SGCZ: variants seen among roughly 807,000 people sequenced by gnomAD.
SGCZ encodes sarcoglycan zeta.
A neutral mutation model predicts 41.3 loss-of-function variants in SGCZ; 40 were observed. That is an observed-to-expected ratio of 0.97 (90% CI 0.75 to 1.26). The LOEUF (loss-of-function observed/expected upper bound fraction) is 1.26, where lower values mean the gene tolerates loss of function less well. Ranked by LOEUF, SGCZ falls within the 50% of genes most tolerant of loss-of-function variation. SGCZ has a pLI of 0.00. For synonymous variants in SGCZ, 206 were observed against 137.5 expected (o/e 1.50, Z -3.49); for missense variants, 552 against 369.8 (o/e 1.49, Z -4.04).
intron 1 of SGCZ, among the ~76,000 whole-genome samples, chr8:14,859,347 C>T (rs1022037049): frequency 1.3e-5 from 2 of 151,916 alleles, no homozygotes; most frequent in African/African-American, 4.8e-5. Flanking sequence ...CATTAAGGTA[C>T]TAGCAATTTA....
intron 1 of SGCZ, among the ~76,000 whole-genome samples, chr8:15,211,472 A>C (rs1257267431): frequency 6.6e-6 from 1 of 152,078 alleles, no homozygotes; most frequent in Non-Finnish European, 1.5e-5. Flanking sequence ...TTATCTACCC[A>C]ACCAACCATC....
chr8:14,380,246 G>C (rs753205076), intron 2 of SGCZ, among the ~76,000 whole-genome samples: 2 of 152,082 alleles, frequency 1.3e-5, no homozygotes, highest in Non-Finnish European at 2.9e-5. Context: ...GGTTATTATA[G>C]TACAGACACT....
At chr8:15,126,855 G>A (rs1807709892) in intron 1 of SGCZ, among the ~76,000 whole-genome samples, 2 of 152,150 alleles carry the variant, frequency 1.3e-5, no homozygotes, top group South Asian at 4.1e-4. Context: ...CTCTACTCTA[G>A]GGAAGCTCTT....
chr8:14,895,642 G>C (rs1805169071), intron 1 of SGCZ, among the ~76,000 whole-genome samples: 2 of 152,046 alleles, frequency 1.3e-5, no homozygotes, highest in Non-Finnish European at 2.9e-5. Flanking sequence ...AAAGCCAAGG[G>C]ACTTGCTTAA....
At chr8:14,807,834 T>C (rs537675487) in intron 1 of SGCZ, among the ~76,000 whole-genome samples, 1 of 152,280 alleles carries the variant, frequency 6.6e-6, no homozygotes, top group South Asian at 2.1e-4. Context: ...CAAACTGTAC[T>C]ACAAGGCTAC....
chr8:14,173,280 C>A (rs75981300), intron 4 of SGCZ, among the ~76,000 whole-genome samples: 3,800 of 151,186 alleles, frequency 0.025, 127 homozygotes, highest in African/African-American at 0.077. Context: ...TAGAATGGGG[C>A]CCAGATTTGC....
At chr8:14,603,027 G>C (rs1241212016) in intron 1 of SGCZ, among the ~76,000 whole-genome samples, 6 of 152,132 alleles carry the variant, frequency 3.9e-5, no homozygotes, top group Admixed American at 6.5e-5. Flanking sequence ...AAACATTCAG[G>C]CATGGCTTCA....
chr8:14,127,828 T>C (rs1388221658), intron 5 of SGCZ, among the ~76,000 whole-genome samples: 3 of 152,156 alleles, frequency 2.0e-5, no homozygotes, highest in Admixed American at 6.6e-5. Flanking sequence ...GGTAAACTCA[T>C]GTCACAGGGG....
chr8:14,810,811 A>G (rs900548168), intron 1 of SGCZ, among the ~76,000 whole-genome samples: 1 of 152,050 alleles, frequency 6.6e-6, no homozygotes, highest in African/African-American at 2.4e-5. Context: ...GTTTATTTGA[A>G]GAGACTCTTA....
chr8:15,078,167 T>C (rs1266801712), intron 1 of SGCZ, among the ~76,000 whole-genome samples: 3 of 143,904 alleles, frequency 2.1e-5, no homozygotes, highest in African/African-American at 5.2e-5. Context: ...TTTTTTTTTT[T>C]TTTTTTTTTG....
intron 1 of SGCZ, among the ~76,000 whole-genome samples, chr8:14,981,836 C>A (rs1227500620): frequency 2.6e-5 from 4 of 152,150 alleles, no homozygotes; most frequent in African/African-American, 9.6e-5. Context: ...ATATTCTCTA[C>A]TCAAACATCA....
intron 1 of SGCZ, among the ~76,000 whole-genome samples, chr8:14,959,946 G>A (rs2130849476): frequency 6.6e-6 from 1 of 152,248 alleles, no homozygotes; most frequent in East Asian, 1.9e-4. Flanking sequence ...ATGGGGCTGA[G>A]CAACCAATCA....
At chr8:14,507,454 A>T (rs1802338801) in intron 2 of SGCZ, among the ~76,000 whole-genome samples, 1 of 152,202 alleles carries the variant, frequency 6.6e-6, no homozygotes, top group African/African-American at 2.4e-5. Flanking sequence ...AATATGTCAC[A>T]TGCCTTCAAA....
intron 2 of SGCZ, among the ~76,000 whole-genome samples, chr8:14,387,506 T>C (rs538718290): frequency 6.6e-6 from 1 of 152,176 alleles, no homozygotes; most frequent in African/African-American, 2.4e-5. Context: ...TAATTACAAT[T>C]TGAAGATCAT....
At chr8:15,011,553 G>T (rs1050956263) in intron 1 of SGCZ, among the ~76,000 whole-genome samples, 3 of 152,204 alleles carry the variant, frequency 2.0e-5, no homozygotes, top group Admixed American at 6.5e-5. Context: ...GAAAACTGCA[G>T]ATTATAAGAT....
At chr8:14,805,758 C>G (rs1424085247) in intron 1 of SGCZ, among the ~76,000 whole-genome samples, 1 of 152,118 alleles carries the variant, frequency 6.6e-6, no homozygotes, top group East Asian at 1.9e-4. Flanking sequence ...ACTCTCCACC[C>G]CAAATCAACA....
intron 2 of SGCZ, among the ~76,000 whole-genome samples, chr8:14,417,857 G>C (rs1799537830): frequency 6.6e-6 from 1 of 151,654 alleles, no homozygotes; most frequent in Non-Finnish European, 1.5e-5. Context: ...ATTTTTATTT[G>C]TCAATTATCT....
intron 1 of SGCZ, among the ~76,000 whole-genome samples, chr8:14,972,664 T>C (rs1413850034): frequency 2.0e-5 from 3 of 152,194 alleles, no homozygotes; most frequent in Non-Finnish European, 2.9e-5. Flanking sequence ...ACTTTTTATA[T>C]CGTTATTTTA....
At chr8:14,810,984 A>C (rs1801721014) in intron 1 of SGCZ, among the ~76,000 whole-genome samples, 1 of 152,036 alleles carries the variant, frequency 6.6e-6, no homozygotes, top group African/African-American at 2.4e-5. Flanking sequence ...TTTGGAATTA[A>C]ATTTTGATGT....
Sources: gnomAD v4.1 joint callset for allele counts (sites outside exome capture counted in the v4.1 genomes callset) on GRCh38, gnomAD v4.1.1 for gene constraint, MANE v1.5 for transcripts, NCBI Gene and HGNC (gene_info 2026-07-23, HGNC 2026-07-21) for gene names.